The following PDE7B variants were observed in gnomAD, a reference collection of about 807,000 sequenced individuals.
The protein encoded by PDE7B is phosphodiesterase 7B.
In PDE7B, 29 loss-of-function variants were observed where a neutral mutation model predicts 56.2. The observed-to-expected ratio is 0.52, with a 90% confidence interval of 0.38 to 0.70. The LOEUF is 0.70. Ranked by LOEUF, PDE7B falls within the 30% of genes least tolerant of loss-of-function variation. PDE7B has a pLI of 0.00. For missense variants in PDE7B, 490 were observed against 565.0 expected (o/e 0.87, Z 1.35); for synonymous variants, 197 against 196.9 (o/e 1.00, Z 0.00).
At chr6:135,935,941 T>C (rs1774412825) in intron 1 of PDE7B, among the ~76,000 whole-genome samples, 1 of 152,206 alleles carries the variant, frequency 6.6e-6, no homozygotes, top group South Asian at 2.1e-4. Flanking sequence ...TGATTGTCTA[T>C]GGGAACATCT....
At chr6:136,179,223 C>A in intron 10 of PDE7B, 82 bp downstream of exon 10, 1 of 1,293,694 alleles carries the variant, frequency 7.7e-7, no homozygotes, top group Non-Finnish European at 1.1e-6. Context: ...CATCTGTAGT[C>A]CCAGCTACTT....
intron 2 of PDE7B, among the ~76,000 whole-genome samples, chr6:135,985,355 C>G (rs1180997277): frequency 6.6e-6 from 1 of 152,274 alleles, no homozygotes; most frequent in South Asian, 2.1e-4. Flanking sequence ...TTGGATAGGA[C>G]AAGGCAACTA....
chr6:136,146,436 T>TA (rs1490906451), intron 3 of PDE7B, among the ~76,000 whole-genome samples: 1 of 152,208 alleles, frequency 6.6e-6, no homozygotes, highest in Non-Finnish European at 1.5e-5. Context: ...AAAATATCTC[T>TA]ACTGGCAAGA....
At chr6:135,866,797 G>T (rs1004608362) in intron 1 of PDE7B, among the ~76,000 whole-genome samples, 6 of 152,166 alleles carry the variant, frequency 3.9e-5, no homozygotes, top group African/African-American at 1.4e-4. Flanking sequence ...ACACATAAAA[G>T]ATTATTTCCA....
chr6:135,968,975 T>A (rs888524170), intron 2 of PDE7B, among the ~76,000 whole-genome samples: 1 of 152,184 alleles, frequency 6.6e-6, no homozygotes, highest in African/African-American at 2.4e-5. Context: ...AATGAGATCA[T>A]GTCCTTTGCA....
chr6:135,905,722 T>C (rs1172264540), intron 1 of PDE7B, among the ~76,000 whole-genome samples: 1 of 152,170 alleles, frequency 6.6e-6, no homozygotes, highest in Non-Finnish European at 1.5e-5. Flanking sequence ...TCTTTCTCTG[T>C]GTGGGTGCGA....
chr6:136,190,004 G>T (rs1345043646), intron 12 of PDE7B, among the ~76,000 whole-genome samples: 1 of 151,814 alleles, frequency 6.6e-6, no homozygotes, highest in Admixed American at 6.6e-5. Flanking sequence ...TTTTCGAGTT[G>T]GATTTTAAAA....
At chr6:135,908,339 C>T (rs1027339258) in intron 1 of PDE7B, among the ~76,000 whole-genome samples, 8 of 151,922 alleles carry the variant, frequency 5.3e-5, no homozygotes, top group African/African-American at 1.9e-4. Context: ...GTGATCCTCC[C>T]ACTTTGGCCT....
chr6:136,009,610 A>G (rs918022124), intron 2 of PDE7B, among the ~76,000 whole-genome samples: 2 of 152,118 alleles, frequency 1.3e-5, no homozygotes, highest in East Asian at 1.9e-4. Flanking sequence ...GTGAATGGGC[A>G]TTCACTCATG....
At chr6:135,975,187 A>G (rs977935572) in intron 2 of PDE7B, among the ~76,000 whole-genome samples, 6 of 151,534 alleles carry the variant, frequency 4.0e-5, no homozygotes, top group Non-Finnish European at 7.4e-5. Context: ...GGAAATTCAG[A>G]TGTCTGTGTA....
intron 12 of PDE7B, among the ~76,000 whole-genome samples, chr6:136,190,858 C>A (rs1392737649): frequency 2.0e-5 from 3 of 152,012 alleles, no homozygotes; most frequent in Non-Finnish European, 4.4e-5. Flanking sequence ...TAACTGAAAG[C>A]AAGACAGAAC....
intron 2 of PDE7B, among the ~76,000 whole-genome samples, chr6:136,050,108 C>G (rs1189102272): frequency 1.3e-5 from 2 of 152,184 alleles, no homozygotes; most frequent in African/African-American, 4.8e-5. Context: ...TGAAGCCGCT[C>G]AACTCCAGCC....
chr6:136,187,155 T>C (rs1779157463), intron 12 of PDE7B, 39 bp downstream of exon 12: 11 of 977,312 alleles, frequency 1.1e-5, no homozygotes, highest in Non-Finnish European at 1.6e-5. Flanking sequence ...TAAATACCTT[T>C]GGCACATCTC....
At chr6:136,028,848 A>T (rs1383542558) in intron 2 of PDE7B, among the ~76,000 whole-genome samples, 1 of 152,170 alleles carries the variant, frequency 6.6e-6, no homozygotes, top group African/African-American at 2.4e-5. Context: ...CATGTAACCT[A>T]ACATATTCAC....
At chr6:136,078,653 GC>G (rs1777158771) in intron 2 of PDE7B, among the ~76,000 whole-genome samples, 1 of 151,936 alleles carries the variant, frequency 6.6e-6, no homozygotes, top group Non-Finnish European at 1.5e-5. Context: ...TTTTTGATTA[GC>G]AGAAGGTACA....
chr6:136,040,173 T>C (rs1470169822), intron 2 of PDE7B, among the ~76,000 whole-genome samples: 1 of 152,136 alleles, frequency 6.6e-6, no homozygotes, highest in Non-Finnish European at 1.5e-5. Flanking sequence ...GTGGAAACTG[T>C]CTCTGAAGCC....
At chr6:136,135,867 C>A (rs1345184787) in intron 3 of PDE7B, among the ~76,000 whole-genome samples, 5 of 152,060 alleles carry the variant, frequency 3.3e-5, no homozygotes, top group African/African-American at 9.7e-5. Flanking sequence ...CTGGTCTCAT[C>A]CAGAGAATGA....
At position 136,192,761 on chromosome 6, in the gene PDE7B, GTA is replaced by G. The variant is rs1326218212; in HGVS notation, c.*924_*925del. On this transcript the variant is annotated 3_prime_UTR_variant, in exon 13 of 13. Transcript: ENST00000308191. The stretch of plus-strand genomic sequence containing the variant: ...ACAAGAGAATGCATTTGTAAATATG[GTA>G]TAGAGTTTATTAATATACTATTGTT... 6.6e-6 allele frequency: 1 copy of G among 152,570 alleles called. No individual in the cohort carries two copies. Among genetic ancestry groups the G allele is most frequent in the Admixed American group, 6.6e-5 (1 of 15,266 alleles). The allele number at this position is 152,570 out of a possible 1,614,324, so 9.5% of individuals were successfully genotyped here. A position where few individuals can be genotyped will look rare whatever the true frequency, so the allele number is the denominator to read the frequency against.
intron 1 of PDE7B, among the ~76,000 whole-genome samples, chr6:135,918,366 A>T (rs1233825746): frequency 6.6e-6 from 1 of 152,218 alleles, no homozygotes; most frequent in Non-Finnish European, 1.5e-5. Context: ...TGGCTGGATG[A>T]ATTCATCATT....
Sources: gnomAD v4.1 joint callset for allele counts (sites outside exome capture counted in the v4.1 genomes callset) on GRCh38, gnomAD v4.1.1 for gene constraint, MANE v1.5 for transcripts, NCBI Gene and HGNC (gene_info 2026-07-23, HGNC 2026-07-21) for gene names.